CCDC91: variants seen among roughly 807,000 people sequenced by gnomAD.
The protein encoded by CCDC91 is coiled-coil domain-containing protein 91.
In CCDC91, 48 loss-of-function variants were observed where a neutral mutation model predicts 63.2. That is an observed-to-expected ratio of 0.76 (90% CI 0.60 to 0.97). The LOEUF (loss-of-function observed/expected upper bound fraction) is 0.97. CCDC91 is among the 50% of genes least tolerant of loss of function. CCDC91 has a pLI of 0.00. For missense variants in CCDC91, 500 were observed against 494.6 expected (o/e 1.01, Z -0.10); for synonymous variants, 167 against 165.8 (o/e 1.01, Z -0.06).
At chr12:28,220,729 G>T (rs926038007) in intron 1 of CCDC91, among the ~76,000 whole-genome samples, 1 of 151,890 alleles carries the variant, frequency 6.6e-6, no homozygotes, top group East Asian at 1.9e-4. Flanking sequence ...ACTGCCATGT[G>T]TTTTTTCCTC....
chr12:28,264,629 T>G (rs1385519577), intron 3 of CCDC91, among the ~76,000 whole-genome samples: 2 of 102,898 alleles, frequency 1.9e-5, no homozygotes, highest in African/African-American at 3.7e-5. Context: ...GTATTCTGAT[T>G]TCTTCCTTTT....
intron 8 of CCDC91, among the ~76,000 whole-genome samples, chr12:28,424,184 C>T (rs1427580435): frequency 6.6e-6 from 1 of 152,072 alleles, no homozygotes; most frequent in Non-Finnish European, 1.5e-5. Context: ...CCTGCCTCAC[C>T]CTCCCAAAGT....
chr12:28,268,922 T>A (rs1271996889), intron 3 of CCDC91, among the ~76,000 whole-genome samples: 1 of 152,088 alleles, frequency 6.6e-6, no homozygotes, highest in Non-Finnish European at 1.5e-5. Flanking sequence ...GAGATTCTTG[T>A]ATTGGACTCT....
intron 6 of CCDC91, among the ~76,000 whole-genome samples, chr12:28,348,823 A>T (rs1942992165): frequency 6.6e-6 from 1 of 152,104 alleles, no homozygotes; most frequent in Admixed American, 6.6e-5. Flanking sequence ...TCCCAGGCTC[A>T]AGCGATTCTC....
intron 6 of CCDC91, among the ~76,000 whole-genome samples, chr12:28,336,015 G>A (rs535995454): frequency 3.5e-4 from 52 of 149,562 alleles, no homozygotes; most frequent in South Asian, 1.3e-3. Flanking sequence ...TTATTTCCTC[G>A]GAAATGATTA....
intron 8 of CCDC91, among the ~76,000 whole-genome samples, chr12:28,444,548 G>A (rs1270614893): frequency 6.6e-6 from 1 of 152,162 alleles, no homozygotes; most frequent in East Asian, 1.9e-4. Context: ...TGGAGCTGGA[G>A]GCTATTACCT....
At chr12:28,299,696 C>T (rs1236535706) in intron 3 of CCDC91, among the ~76,000 whole-genome samples, 20 of 151,574 alleles carry the variant, frequency 1.3e-4, no homozygotes, top group Non-Finnish European at 1.5e-5. Context: ...TTGTTTTTGG[C>T]TTTATCCTTC....
chr12:28,364,659 T>C (rs1944156051), intron 7 of CCDC91, among the ~76,000 whole-genome samples: 1 of 152,184 alleles, frequency 6.6e-6, no homozygotes, highest in African/African-American at 2.4e-5. Flanking sequence ...GCAATAAAAA[T>C]AACAGTACAA....
intron 8 of CCDC91, among the ~76,000 whole-genome samples, chr12:28,418,875 A>G (rs1182007152): frequency 1.3e-5 from 2 of 152,172 alleles, no homozygotes; most frequent in Non-Finnish European, 2.9e-5. Context: ...TTGAATATCT[A>G]CCATCAAAAT....
At chr12:28,336,836 G>T (rs1361524852) in intron 6 of CCDC91, among the ~76,000 whole-genome samples, 8 of 152,042 alleles carry the variant, frequency 5.3e-5, no homozygotes, top group Admixed American at 2.0e-4. Flanking sequence ...TTGCTAGAAT[G>T]TCCTGTGAAA....
At position 28,216,396 on chromosome 12, in the gene CCDC91, G is replaced by A. The variant is rs1004309871; in HGVS notation, c.-15+25755G>A. Among the ~76,000 whole-genome samples the A allele has an allele frequency of 5.3e-5, 8 of 151,880 alleles. 1 individual carries two copies. The highest frequency in any genetic ancestry group is 1.9e-4 in the African/African-American group (8 of 41,366). On this transcript the variant is annotated intron_variant, in intron 1 of 12. Transcript: ENST00000536442. ...TCTTGCAATTCAGTTACTTTAACAT[G>A]GTTTCAGTAAGTAAAATAAAATATA...
At chr12:28,425,350 T>C (rs1592637110) in intron 8 of CCDC91, among the ~76,000 whole-genome samples, 1 of 152,126 alleles carries the variant, frequency 6.6e-6, no homozygotes, top group East Asian at 1.9e-4. Flanking sequence ...AGAGACACTT[T>C]TCCCCCTTCT....
intron 3 of CCDC91, among the ~76,000 whole-genome samples, chr12:28,288,106 C>A (rs922146103): frequency 1.3e-5 from 2 of 152,126 alleles, no homozygotes; most frequent in African/African-American, 4.8e-5. Flanking sequence ...TTTGGGTGGA[C>A]ACAGTGGGGT....
intron 12 of CCDC91, among the ~76,000 whole-genome samples, chr12:28,533,509 C>T (rs1025049260): frequency 1.3e-5 from 2 of 151,892 alleles, no homozygotes; most frequent in African/African-American, 4.8e-5. Flanking sequence ...GTAATTTTGC[C>T]AATAAACCAC....
At chr12:28,307,798 A>G in intron 6 of CCDC91, 49 bp downstream of exon 6, 1 of 943,288 alleles carries the variant, frequency 1.1e-6, no homozygotes, top group South Asian at 1.4e-5. Context: ...TTGATGAAGC[A>G]TGTGCTATAA....
At chr12:28,484,792 A>C (rs1263833356) in intron 12 of CCDC91, among the ~76,000 whole-genome samples, 1 of 151,646 alleles carries the variant, frequency 6.6e-6, no homozygotes, top group African/African-American at 2.4e-5. Context: ...CAATACACAA[A>C]ATAAGAAACT....
chr12:28,466,621 A>G (rs1472176614), intron 11 of CCDC91, among the ~76,000 whole-genome samples: 1 of 152,160 alleles, frequency 6.6e-6, no homozygotes, highest in African/African-American at 2.4e-5. Context: ...CAGCAAAATT[A>G]TCCTTCAGTC....
chr12:28,320,853 T>C (rs1334234948), intron 6 of CCDC91, among the ~76,000 whole-genome samples: 3 of 151,954 alleles, frequency 2.0e-5, no homozygotes, highest in Admixed American at 2.0e-4. Context: ...TGCTGAATTT[T>C]GAACTTTGGA....
intron 7 of CCDC91, among the ~76,000 whole-genome samples, chr12:28,380,697 T>G (rs1209448576): frequency 6.6e-6 from 1 of 152,124 alleles, no homozygotes; most frequent in Non-Finnish European, 1.5e-5. Context: ...CTATCTTCAG[T>G]AATAATGCTG....
Sources: gnomAD v4.1 joint callset for allele counts (sites outside exome capture counted in the v4.1 genomes callset) on GRCh38, gnomAD v4.1.1 for gene constraint, MANE v1.5 for transcripts, NCBI Gene and HGNC (gene_info 2026-07-23, HGNC 2026-07-21) for gene names.